The following FOXN3 variants were observed in gnomAD, a reference collection of about 807,000 sequenced individuals.
FOXN3 encodes forkhead box N3.
In FOXN3, 7 loss-of-function variants were observed where a neutral mutation model predicts 38.4. The ratio of observed to expected loss-of-function variants is 0.18; its 90% confidence interval spans 0.10 to 0.34. The LOEUF (loss-of-function observed/expected upper bound fraction) is 0.34, where lower values mean the gene tolerates loss of function less well. Ranked by LOEUF, FOXN3 falls within the 10% of genes least tolerant of loss-of-function variation. FOXN3 has a pLI of 1.00. For missense variants in FOXN3, 456 were observed against 613.4 expected, an observed-to-expected ratio of 0.74 and a Z score of 2.71; for synonymous variants, 230 against 242.2, an observed-to-expected ratio of 0.95 and a Z score of 0.47.
intron 2 of FOXN3, among the ~76,000 whole-genome samples, chr14:89,378,565 TATC>T (rs1890551788): frequency 1.3e-5 from 2 of 152,244 alleles, no homozygotes; most frequent in Admixed American, 6.5e-5. Context: ...TTCTCAGGCT[TATC>T]ATGATAAGAG....
intron 3 of FOXN3, among the ~76,000 whole-genome samples, chr14:89,285,698 C>T (rs1258302356): frequency 6.6e-6 from 1 of 151,966 alleles, no homozygotes; most frequent in Admixed American, 6.6e-5. Flanking sequence ...TTGCTAGAGG[C>T]TCATGGAAGG....
intron 2 of FOXN3, among the ~76,000 whole-genome samples, chr14:89,366,076 C>G (rs929420412): frequency 1.3e-5 from 2 of 151,862 alleles, no homozygotes; most frequent in African/African-American, 2.4e-5. Flanking sequence ...ATGGTGAAAC[C>G]CCGTCTCTAC....
chr14:89,272,978 G>A (rs921103453), intron 4 of FOXN3, among the ~76,000 whole-genome samples: 14 of 152,158 alleles, frequency 9.2e-5, no homozygotes, highest in African/African-American at 3.4e-4. Context: ...TCTATGAGGG[G>A]GCTCCTGCCC....
chr14:89,499,887 T>C (rs546123613), intron 1 of FOXN3, among the ~76,000 whole-genome samples: 1 of 151,406 alleles, frequency 6.6e-6, no homozygotes, highest in South Asian at 2.1e-4. Context: ...ATTGTTTGGC[T>C]TGGGTTTTTT....
intron 1 of FOXN3, among the ~76,000 whole-genome samples, chr14:89,459,413 C>G (rs1160510958): frequency 6.6e-6 from 1 of 152,100 alleles, no homozygotes; most frequent in Non-Finnish European, 1.5e-5. Context: ...GGAACAGGGA[C>G]AGCACATTAG....
intron 1 of FOXN3, among the ~76,000 whole-genome samples, chr14:89,614,326 G>C (rs1896451129): frequency 6.6e-6 from 1 of 152,102 alleles, no homozygotes; most frequent in Non-Finnish European, 1.5e-5. Context: ...ACCTCCATAT[G>C]ATGTTCCTAT....
upstream of FOXN3, among the ~76,000 whole-genome samples, chr14:89,421,141 CTTTCTT>C (rs201869778): frequency 2.2e-4 from 27 of 123,976 alleles, no homozygotes; most frequent in African/African-American, 5.7e-4. Flanking sequence ...TATTTTCTTT[CTTTCTT>C]TTTTTTTTTT....
intron 4 of FOXN3, among the ~76,000 whole-genome samples, chr14:89,186,821 T>C (rs993684425): frequency 6.6e-6 from 1 of 152,150 alleles, no homozygotes; most frequent in African/African-American, 2.4e-5. Flanking sequence ...AGTGAAGCAT[T>C]AGACTGAAAT....
chr14:89,218,116 C>A (rs1425733086), intron 4 of FOXN3, among the ~76,000 whole-genome samples: 1 of 152,188 alleles, frequency 6.6e-6, no homozygotes, highest in Non-Finnish European at 1.5e-5. Flanking sequence ...TGGCAATTCA[C>A]TGCTGGTTAC....
At chr14:89,363,815 C>T (rs1889976541) in intron 2 of FOXN3, among the ~76,000 whole-genome samples, 1 of 151,670 alleles carries the variant, frequency 6.6e-6, no homozygotes, top group Admixed American at 6.6e-5. Context: ...TGCAGTGGCT[C>T]ATGCCTGGTC....
intron 1 of FOXN3, among the ~76,000 whole-genome samples, chr14:89,445,871 A>C (rs1377472267): frequency 6.6e-6 from 1 of 151,374 alleles, no homozygotes; most frequent in Non-Finnish European, 1.5e-5. Context: ...CCTTGAGCCC[A>C]GGAGTTTGAG....
chr14:89,223,711 T>C (rs1884543684), intron 4 of FOXN3, among the ~76,000 whole-genome samples: 1 of 152,326 alleles, frequency 6.6e-6, no homozygotes, highest in South Asian at 2.1e-4. Context: ...GAAGAGACGT[T>C]TCCAAAGATC....
At chr14:89,324,482 G>GTA (rs1887989912) in intron 3 of FOXN3, among the ~76,000 whole-genome samples, 2 of 144,078 alleles carry the variant, frequency 1.4e-5, no homozygotes, top group Non-Finnish European at 3.0e-5. Flanking sequence ...GTGTGTGTGT[G>GTA]TGTATGTACC....
chr14:89,162,834 G>A lies in FOXN3; in HGVS notation c.987C>T (p.Thr329=), dbSNP rs200553485. The change falls in exon 6 of 6, where the codon ACC becomes ACT. Residue 329 remains threonine (T), a synonymous_variant. Transcript: ENST00000557258. This position sits in a 1 kb window ranked among gnomAD's most constrained non-coding sequence, Gnocchi z 7.2. Reference sequence around the variant, plus strand: ...AGGAGGAGGAGGAGATGGAGTCGCTGGTGGGCGAGGTGCTCCGGGCGTTGG... The same window carrying A: ...AGGAGGAGGAGGAGATGGAGTCGCTAGTGGGCGAGGTGCTCCGGGCGTTGG... ...KSSNARSTSP[T]SDSISSSSSS... 2 of 1,611,856 alleles carry A rather than the reference G, an allele frequency of 1.2e-6. No homozygotes were observed. Among genetic ancestry groups the A allele is most frequent in the Non-Finnish European group, 1.7e-6 (2 of 1,179,964 alleles).
intron 2 of FOXN3, among the ~76,000 whole-genome samples, chr14:89,375,921 C>T (rs1325226326): frequency 6.6e-6 from 1 of 152,156 alleles, no homozygotes; most frequent in Non-Finnish European, 1.5e-5. Context: ...GCTGAGATTA[C>T]AGGTGCCTGC....
At chr14:89,559,192 G>A (rs559406065) in intron 1 of FOXN3, among the ~76,000 whole-genome samples, 1 of 151,614 alleles carries the variant, frequency 6.6e-6, no homozygotes, top group Admixed American at 6.6e-5. Context: ...TAGTGAGACC[G>A]CCCCCCGCCC....
Position 89,218,951 on chromosome 14 carries a change from C to T in FOXN3, c.746-38145G>A, listed in dbSNP as rs118123653. ...AGCACCCGCTAAGACTTTCCCTAACCTTCCAAGGTCTTCCATAAGCAAAGC... is the reference window on the plus strand; with the variant it reads ...AGCACCCGCTAAGACTTTCCCTAACTTTCCAAGGTCTTCCATAAGCAAAGC... On this transcript the variant is annotated intron_variant, in intron 4 of 5. Coordinates refer to ENST00000557258, the MANE Select transcript of FOXN3 (RefSeq NM_005197.4). Among the ~76,000 whole-genome samples, 625 of 152,330 alleles carry T rather than the reference C, an allele frequency of 4.1e-3. 3 individuals are homozygous for T. The highest frequency in any genetic ancestry group is 4.5e-3 in the Non-Finnish European group (305 of 68,040).
chr14:89,456,377 T>C (rs1248520448), intron 1 of FOXN3, among the ~76,000 whole-genome samples: 1 of 152,132 alleles, frequency 6.6e-6, no homozygotes, highest in Non-Finnish European at 1.5e-5. Flanking sequence ...CTTGGCTCTG[T>C]CTCTCATTAT....
At chr14:89,388,664 G>T (rs78582201) in intron 2 of FOXN3, among the ~76,000 whole-genome samples, 3,949 of 152,062 alleles carry the variant, frequency 0.026, 170 homozygotes, top group African/African-American at 0.089. Context: ...TGCCAGGAAG[G>T]CGAGCAGGAG....
Sources: allele counts gnomAD v4.1 joint callset (sites outside exome capture counted in the v4.1 genomes callset), GRCh38; gene constraint gnomAD v4.1.1; non-coding constraint Gnocchi (gnomAD v3.1); transcripts MANE v1.5; gene names NCBI Gene and HGNC (gene_info 2026-07-23, HGNC 2026-07-21).